The following LMOD1 variants were observed in gnomAD, a reference collection of about 807,000 sequenced individuals.
LMOD1 encodes the protein leiomodin 1.
LMOD1 carries 8 observed loss-of-function variants against 36.5 expected under a neutral mutation model. That is an observed-to-expected ratio of 0.22 (90% CI 0.13 to 0.40). LMOD1 has a LOEUF of 0.40. Ranked by LOEUF, LMOD1 falls within the 10% of genes least tolerant of loss-of-function variation. LMOD1 has a pLI of 1.00. For synonymous variants in LMOD1, 284 were observed against 288.7 expected, an observed-to-expected ratio of 0.98 and a Z score of 0.17; for missense variants, 630 against 751.1, an observed-to-expected ratio of 0.84 and a Z score of 1.88.
chr1:201,937,697 T>C (rs1181951597), intron 1 of LMOD1, among the ~76,000 whole-genome samples: 1 of 152,038 alleles, frequency 6.6e-6, no homozygotes, highest in African/African-American at 2.4e-5. Flanking sequence ...GCCCATGAGA[T>C]GGAAGTTGCA....
chr1:201,911,600 G>C (rs1681498399), intron 1 of LMOD1, among the ~76,000 whole-genome samples: 1 of 152,202 alleles, frequency 6.6e-6, no homozygotes, highest in Non-Finnish European at 1.5e-5. Flanking sequence ...GGGAGGTGAA[G>C]GTTGCAGTGA....
chr1:201,934,632 A>T (rs1377428470), intron 1 of LMOD1, among the ~76,000 whole-genome samples: 1 of 152,104 alleles, frequency 6.6e-6, no homozygotes, highest in Admixed American at 6.6e-5. Flanking sequence ...GAAAAACGAG[A>T]CTTATCTAGA....
At chr1:201,935,546 T>C (rs1022036715) in intron 1 of LMOD1, among the ~76,000 whole-genome samples, 11 of 152,084 alleles carry the variant, frequency 7.2e-5, no homozygotes, top group Admixed American at 5.9e-4. Context: ...TTTAGTTTTA[T>C]TTATTTATTT....
intron 1 of LMOD1, among the ~76,000 whole-genome samples, chr1:201,909,997 A>G (rs1029676705): frequency 2.0e-5 from 3 of 152,192 alleles, no homozygotes; most frequent in Non-Finnish European, 4.4e-5. Flanking sequence ...CAGCCACCCA[A>G]CACTGAAATA....
intron 1 of LMOD1, among the ~76,000 whole-genome samples, chr1:201,939,550 A>T (rs2820300): frequency 3.9e-5 from 6 of 152,288 alleles, no homozygotes; most frequent in East Asian, 3.9e-4. Flanking sequence ...CTAACAAGCC[A>T]TTGGGAGAAC....
In LMOD1 at chr1:201,899,307, G is replaced by T. The variant is rs528927692; in HGVS notation, c.1706C>A (p.Ala569Asp). The change falls in exon 2 of 3, where the codon GCC becomes GAC. Residue 569 changes from alanine (A) to aspartate (D), a missense_variant. By Grantham distance (126) the Ala-to-Asp change is moderately radical (BLOSUM62 -2). Coordinates refer to ENST00000367288, the MANE Select transcript of LMOD1 (RefSeq NM_012134.3). The surrounding 1 kb of genome is among the most constrained non-coding windows in gnomAD (Gnocchi z 6.3). The part of the protein sequence containing the change: ...QRKMGDKVLP[A>D]QEKNSRDQLL... ...CTGGTCACGGGAGTTCTTCTCCTGGGCAGGGAGGACTTTGTCTCCCATCTT... is the reference window on the plus strand; with the variant it reads ...CTGGTCACGGGAGTTCTTCTCCTGGTCAGGGAGGACTTTGTCTCCCATCTT... 29 of 1,610,902 alleles carry T rather than the reference G, an allele frequency of 1.8e-5. No homozygotes were observed. The East Asian group carries it at 2.5e-4, about 14-fold the overall frequency.
chr1:201,946,397 G>T lies in LMOD1; in HGVS notation c.-57C>A. ...TATCAGAGTCCTGGTGGGCAGGGAA[G>T]GGAGAGGGGTGAGCTGATCTGGATG... On this transcript the variant is annotated 5_prime_UTR_variant, in exon 1 of 3. Coordinates refer to ENST00000367288, the MANE Select transcript of LMOD1 (RefSeq NM_012134.3). 3.2e-6 allele frequency: 5 copies of T among 1,577,724 alleles called. No homozygotes were observed. The South Asian group carries it at 5.8e-5, about 18-fold the overall frequency.
chr1:201,941,838 G>A (rs1188794267), intron 1 of LMOD1, among the ~76,000 whole-genome samples: 1 of 152,206 alleles, frequency 6.6e-6, no homozygotes, highest in Non-Finnish European at 1.5e-5. Context: ...CAGCTGCCCT[G>A]ACCCTGGCTG....
intron 1 of LMOD1, among the ~76,000 whole-genome samples, chr1:201,906,062 C>T (rs1046858456): frequency 6.6e-6 from 1 of 152,160 alleles, no homozygotes; most frequent in African/African-American, 2.4e-5. Flanking sequence ...AGCTCGAGCT[C>T]CTGGCTGAGG....
At chr1:201,901,501 T>C (rs1681298651) in intron 1 of LMOD1, among the ~76,000 whole-genome samples, 1 of 81,168 alleles carries the variant, frequency 1.2e-5, no homozygotes, top group Non-Finnish European at 2.5e-5. Flanking sequence ...AAACTCTGTC[T>C]CAAAAAAAAA....
intron 1 of LMOD1, among the ~76,000 whole-genome samples, chr1:201,941,386 C>T (rs1432596138): frequency 1.3e-5 from 2 of 152,184 alleles, no homozygotes; most frequent in African/African-American, 4.8e-5. Context: ...TGGATGGAGG[C>T]AGTTTCAAAT....
At chr1:201,913,315 G>T (rs1043855919) in intron 1 of LMOD1, among the ~76,000 whole-genome samples, 1 of 152,126 alleles carries the variant, frequency 6.6e-6, no homozygotes, top group Non-Finnish European at 1.5e-5. Flanking sequence ...CTCAGAAAGT[G>T]ATGTTTCAGG....
chr1:201,899,227 A>G lies in LMOD1; in HGVS notation c.1776+10T>C. On this transcript the variant is annotated intron_variant, in intron 2 of 2. Transcript: ENST00000367288. This position sits in a 1 kb window ranked among gnomAD's most constrained non-coding sequence, Gnocchi z 6.3. ...CCCCGCCCTGTTGGCTCATGCCCACAACTACTTAACTTCTTGAGCTGCTTG... is the reference window on the plus strand; with the variant it reads ...CCCCGCCCTGTTGGCTCATGCCCACGACTACTTAACTTCTTGAGCTGCTTG... The G allele has an allele frequency of 1.3e-6, 2 of 1,570,318 alleles. No homozygotes were observed. Among genetic ancestry groups the G allele is most frequent in the South Asian group, 1.2e-5 (1 of 83,198 alleles).
intron 1 of LMOD1, among the ~76,000 whole-genome samples, chr1:201,914,898 G>C (rs1275281939): frequency 6.6e-6 from 1 of 151,490 alleles, no homozygotes; most frequent in African/African-American, 2.4e-5. Context: ...TCCTCCTTCT[G>C]TCCACAGTCC....
chr1:201,924,625 G>C (rs1235344819), intron 1 of LMOD1, among the ~76,000 whole-genome samples: 1 of 145,380 alleles, frequency 6.9e-6, no homozygotes, highest in African/African-American at 2.5e-5. Flanking sequence ...AAAGAAGAAA[G>C]AAAGGAAGAA....
chr1:201,924,691 AAGAAAGAAAG>A (rs1558240498), intron 1 of LMOD1, among the ~76,000 whole-genome samples: 1 of 118,930 alleles, frequency 8.4e-6, no homozygotes. Flanking sequence ...GAAAGAAAGA[AAGAAAGAAAG>A]AAAGAAAGAA....
chr1:201,912,991 G>C (rs1324575865), intron 1 of LMOD1, among the ~76,000 whole-genome samples: 2 of 152,302 alleles, frequency 1.3e-5, no homozygotes, highest in African/African-American at 4.8e-5. Flanking sequence ...GAGGAAGGCG[G>C]TGGGAGCTGA....
chr1:201,916,324 G>A (rs1024191236), intron 1 of LMOD1, among the ~76,000 whole-genome samples: 2 of 151,856 alleles, frequency 1.3e-5, no homozygotes, highest in African/African-American at 4.8e-5. Context: ...GACCGTCCTG[G>A]GCAACATGGT....
chr1:201,903,936 GT>G (rs1288142344), intron 1 of LMOD1, among the ~76,000 whole-genome samples: 5 of 152,186 alleles, frequency 3.3e-5, no homozygotes, highest in Admixed American at 3.3e-4. Flanking sequence ...CACCTAGCAA[GT>G]TCGGGAAAAG....
Sources: gnomAD v4.1 joint callset for allele counts (sites outside exome capture counted in the v4.1 genomes callset) on GRCh38, gnomAD v4.1.1 for gene constraint, Gnocchi (gnomAD v3.1) non-coding constraint, MANE v1.5 for transcripts, NCBI Gene and HGNC (gene_info 2026-07-23, HGNC 2026-07-21) for gene names.